The following KIF6 variants were observed in gnomAD, a reference collection of about 807,000 sequenced individuals.
KIF6 encodes kinesin-like protein KIF6.
In KIF6, 106 loss-of-function variants were observed where a neutral mutation model predicts 112.7. The observed-to-expected ratio is 0.94, with a 90% CI of 0.80 to 1.11. KIF6 has a LOEUF of 1.11. KIF6 is among the 50% of genes least tolerant of loss of function. The probability of loss-of-function intolerance (pLI) is 0.00; values close to 1 mark genes in which losing one functional copy is unlikely to be tolerated. For synonymous variants in KIF6, 339 were observed against 339.9 expected (o/e 1.00, Z 0.03); for missense variants, 929 against 964.0 (o/e 0.96, Z 0.48).
chr6:39,675,987 G>A (rs1582424426), intron 3 of KIF6, among the ~76,000 whole-genome samples: 1 of 149,822 alleles, frequency 6.7e-6, no homozygotes, highest in Non-Finnish European at 1.5e-5. Context: ...GGATAACACT[G>A]AATGAAAAGA....
chr6:39,599,933 T>A (rs1261768293), intron 6 of KIF6, among the ~76,000 whole-genome samples: 1 of 152,184 alleles, frequency 6.6e-6, no homozygotes, highest in Non-Finnish European at 1.5e-5. Flanking sequence ...AATGCAGTAA[T>A]ATGCTGTAGG....
chr6:39,584,415 TCTAAAAAAAAAAAAAAAAAAA>T (rs1781483473), intron 9 of KIF6, among the ~76,000 whole-genome samples: 1 of 40,464 alleles, frequency 2.5e-5, no homozygotes, highest in Non-Finnish European at 4.3e-5. Context: ...AGACTCTGTC[TCTAAAAAAAAAAAAAAAAAAA>T]AAAAAAAAAA....
intron 10 of KIF6, among the ~76,000 whole-genome samples, chr6:39,560,220 T>C (rs1174688897): frequency 1.3e-5 from 2 of 152,240 alleles, no homozygotes; most frequent in African/African-American, 4.8e-5. Context: ...GGCCCAGTGC[T>C]GCTGCTCTTA....
At chr6:39,386,853 G>A (rs1767472670) in intron 15 of KIF6, among the ~76,000 whole-genome samples, 1 of 152,192 alleles carries the variant, frequency 6.6e-6, no homozygotes, top group Non-Finnish European at 1.5e-5. Context: ...CCCATTTGGG[G>A]GATGTGATCA....
intron 13 of KIF6, among the ~76,000 whole-genome samples, chr6:39,507,238 G>T (rs1175759320): frequency 1.3e-5 from 2 of 152,162 alleles, no homozygotes; most frequent in African/African-American, 4.8e-5. Flanking sequence ...GGTAGACAGT[G>T]TCAGAATTGA....
At position 39,463,253 on chromosome 6, in the gene KIF6, C is replaced by A. The variant is rs1307187159; in HGVS notation, c.1646-32092G>T. ...CATTTTCTCTCCTTTATCTCACTTCCACAGTGTGAGACTAGGCCTCCAACT... is the reference window on the plus strand; with the variant it reads ...CATTTTCTCTCCTTTATCTCACTTCAACAGTGTGAGACTAGGCCTCCAACT... On this transcript the variant is annotated intron_variant, in intron 13 of 22. Coordinates refer to ENST00000287152, the MANE Select transcript of KIF6 (RefSeq NM_145027.6). Among the ~76,000 whole-genome samples, 5 of 152,270 alleles carry A rather than the reference C, an allele frequency of 3.3e-5. No individual in the cohort carries two copies. The East Asian group carries it at 7.7e-4, about 23-fold the overall frequency.
In KIF6 at chr6:39,645,812, C is replaced by T. The variant is rs972444919; in HGVS notation, c.252-6055G>A. 1.1e-4 allele frequency among the ~76,000 whole-genome samples: 16 copies of T among 152,218 alleles called. No individual in the cohort carries two copies. The South Asian group carries it at 3.3e-3, about 32-fold the overall frequency. ...GCCATAAAAAATGATGAGTTCATGT[C>T]CTTTGTAGGGACACGGATGAAGCTG... On this transcript the variant is annotated intron_variant, in intron 3 of 22. Coordinates refer to ENST00000287152, the MANE Select transcript of KIF6 (RefSeq NM_145027.6).
intron 13 of KIF6, among the ~76,000 whole-genome samples, chr6:39,495,049 G>A (rs1027417405): frequency 2.6e-5 from 4 of 152,182 alleles, no homozygotes; most frequent in Admixed American, 6.5e-5. Context: ...CCCACTCCAT[G>A]TTGGTGGTCA....
chr6:39,585,092 A>G lies in KIF6; in HGVS notation c.991-108T>C, dbSNP rs1048280677. The G allele has an allele frequency of 6.7e-5, 46 of 687,228 alleles. No homozygotes were observed. In the East Asian group the frequency reaches 1.2e-3, roughly 17 times the overall value. 42.6% of individuals were successfully genotyped at this position (687,228 alleles called of 1,614,324 possible). On this transcript the variant is annotated intron_variant, in intron 8 of 22. Coordinates refer to ENST00000287152, the MANE Select transcript of KIF6 (RefSeq NM_145027.6). ...AAAAAAGATACACACCTAAAAAGTG[A>G]TGTGTATAAAACTCACAGTGAGGAA...
At chr6:39,478,044 A>T (rs116328910) in intron 13 of KIF6, among the ~76,000 whole-genome samples, 12,796 of 152,140 alleles carry the variant, frequency 0.084, 790 homozygotes, top group African/African-American at 0.16. Context: ...ATTATTTTTT[A>T]AAAATTTTTC....
At position 39,342,110 on chromosome 6, in the gene KIF6, C is replaced by T. The variant is rs548492109; in HGVS notation, c.2428+1599G>A. Among the ~76,000 whole-genome samples the T allele has an allele frequency of 1.5e-4, 23 of 152,314 alleles. No homozygotes were observed. Among genetic ancestry groups the T allele is most frequent in the African/African-American group, 5.5e-4 (23 of 41,578 alleles). ...CCAGCCACTCTAGCTTCCTTCCCAC[C>T]CTGTGGCCAAGCAAAGCTTCCCCTT... On this transcript the variant is annotated intron_variant, in intron 22 of 22. Coordinates refer to ENST00000287152, the MANE Select transcript of KIF6 (RefSeq NM_145027.6). The surrounding 1 kb of genome is among the most constrained non-coding windows in gnomAD (Gnocchi z 4.7).
At position 39,333,101 on chromosome 6, in the gene KIF6, A is replaced by C. The variant is rs903442174; in HGVS notation, c.*3431T>G. On this transcript the variant is annotated 3_prime_UTR_variant, in exon 23 of 23. Transcript: ENST00000287152. ...GATTTTGTCTCATTTTTAGTCATTT[A>C]AAGCAGGAGGGTAAATCAGGTCCTT... 1 of 152,224 alleles carries C rather than the reference A, an allele frequency of 6.6e-6. No individual in the cohort carries two copies. The highest frequency in any genetic ancestry group is 1.5e-5 in the Non-Finnish European group (1 of 68,044). The allele number at this position is 152,224 out of a possible 1,614,324, so 9.4% of individuals were successfully genotyped here.
intron 4 of KIF6, among the ~76,000 whole-genome samples, chr6:39,639,173 C>T (rs533920982): frequency 2.0e-4 from 30 of 152,102 alleles, no homozygotes; most frequent in Admixed American, 1.3e-3. Flanking sequence ...ATAATTACAA[C>T]GGTATTTGTA....
At chr6:39,660,960 G>C (rs1786106581) in intron 3 of KIF6, among the ~76,000 whole-genome samples, 1 of 152,108 alleles carries the variant, frequency 6.6e-6, no homozygotes, top group Non-Finnish European at 1.5e-5. Context: ...CAAAAATCTG[G>C]TGCTTACATG....
intron 13 of KIF6, among the ~76,000 whole-genome samples, chr6:39,523,644 C>CCATATA (rs1777524468): frequency 1.7e-5 from 1 of 60,006 alleles, no homozygotes; most frequent in South Asian, 7.0e-4. Flanking sequence ...ATTAATTCTG[C>CCATATA]CATATATATA....
intron 19 of KIF6, among the ~76,000 whole-genome samples, chr6:39,355,612 C>G (rs1019776730): frequency 2.0e-5 from 3 of 151,790 alleles, no homozygotes; most frequent in Non-Finnish European, 4.4e-5. Flanking sequence ...TACAGGCATG[C>G]ACCACCACAC....
intron 15 of KIF6, among the ~76,000 whole-genome samples, chr6:39,386,054 A>C (rs1434416657): frequency 9.9e-5 from 15 of 152,250 alleles, no homozygotes; most frequent in Non-Finnish European, 4.4e-5. Context: ...TTTAAAATCC[A>C]CATCTTTATT....
At chr6:39,506,765 G>A (rs1776448368) in intron 13 of KIF6, among the ~76,000 whole-genome samples, 1 of 152,102 alleles carries the variant, frequency 6.6e-6, no homozygotes, top group South Asian at 2.1e-4. Flanking sequence ...CTTCAGGATA[G>A]GAACTGGCCA....
intron 13 of KIF6, among the ~76,000 whole-genome samples, chr6:39,502,951 G>C (rs897014646): frequency 5.9e-5 from 9 of 152,088 alleles, no homozygotes; most frequent in Non-Finnish European, 1.0e-4. Flanking sequence ...AATTAACAAA[G>C]ATATTCAGGA....
Sources: gnomAD v4.1 joint callset for allele counts (sites outside exome capture counted in the v4.1 genomes callset) on GRCh38, gnomAD v4.1.1 for gene constraint, Gnocchi (gnomAD v3.1) non-coding constraint, MANE v1.5 for transcripts, NCBI Gene and HGNC (gene_info 2026-07-23, HGNC 2026-07-21) for gene names.